Variants in RELN observed in about 807,000 individuals in gnomAD.
The protein encoded by RELN is reelin.
Under a neutral mutation model 427.6 loss-of-function variants are expected in RELN, and 108 were observed. That is an observed-to-expected ratio of 0.25 (90% CI 0.22 to 0.30). RELN has a LOEUF of 0.30. Among genes scored for constraint, RELN ranks in the 10% least tolerant of loss-of-function variants. The probability of loss-of-function intolerance (pLI) is 1.00; values close to 1 mark genes in which losing one functional copy is unlikely to be tolerated. For missense variants in RELN, 3,715 were observed against 4,302.8 expected, an observed-to-expected ratio of 0.86 and a Z score of 3.82; for synonymous variants, 1,524 against 1,513.4, an observed-to-expected ratio of 1.01 and a Z score of -0.16.
chr7:103,685,739 T>G (rs1004126357), intron 10 of RELN, among the ~76,000 whole-genome samples: 22 of 152,138 alleles, frequency 1.4e-4, no homozygotes, highest in African/African-American at 5.3e-4. Flanking sequence ...CTTATGTGTT[T>G]CTCTTTGTCA....
intron 40 of RELN, 147 bp downstream of exon 40, chr7:103,553,314 G>A: frequency 3.0e-6 from 2 of 659,406 alleles, no homozygotes; most frequent in South Asian, 3.7e-5. Context: ...CTGTTAATAA[G>A]AGAAAATTAT....
intron 2 of RELN, among the ~76,000 whole-genome samples, chr7:103,865,132 C>CAAAAAAAAAAAAAAAAAAAAAAAA (rs386410871): frequency 1.5e-5 from 1 of 67,198 alleles, no homozygotes; most frequent in Non-Finnish European, 2.7e-5. Context: ...GAAACTGTCT[C>CAAAAAAAAAAAAAAAAAAAAAAAA]AAAAAAAAAA....
intron 2 of RELN, among the ~76,000 whole-genome samples, chr7:103,840,203 T>C (rs1044677987): frequency 5.9e-5 from 9 of 152,140 alleles, no homozygotes; most frequent in Admixed American, 5.9e-4. Context: ...GACCAATACA[T>C]GGAGATAAAA....
At chr7:103,918,131 G>A (rs1274816633) in intron 1 of RELN, among the ~76,000 whole-genome samples, 1 of 152,184 alleles carries the variant, frequency 6.6e-6, no homozygotes, top group East Asian at 1.9e-4. Context: ...GGTGAACAGA[G>A]CTAAATGGTC....
At chr7:103,774,431 C>A (rs1030638244) in intron 4 of RELN, among the ~76,000 whole-genome samples, 2 of 151,936 alleles carry the variant, frequency 1.3e-5, no homozygotes, top group African/African-American at 4.8e-5. Flanking sequence ...GCAATACAGT[C>A]TTGTCATAAG....
At chr7:103,755,244 G>A (rs28451388) in intron 4 of RELN, among the ~76,000 whole-genome samples, 7,554 of 151,728 alleles carry the variant, frequency 0.05, 652 homozygotes, top group African/African-American at 0.17. Context: ...TCACGAGGGC[G>A]GATCACGAGG....
chr7:103,648,166 A>T (rs111691230), intron 16 of RELN, among the ~76,000 whole-genome samples: 2 of 152,012 alleles, frequency 1.3e-5, no homozygotes, highest in South Asian at 2.1e-4. Context: ...GTAGTCCCCA[A>T]TATTGGAGGA....
chr7:103,946,282 G>A (rs2116750546), intron 1 of RELN, among the ~76,000 whole-genome samples: 1 of 152,206 alleles, frequency 6.6e-6, no homozygotes, highest in South Asian at 2.1e-4. Context: ...TTAAAACTAT[G>A]CAAACTTAAC....
chr7:103,748,307 T>G (rs543212654), intron 6 of RELN, among the ~76,000 whole-genome samples: 1 of 152,222 alleles, frequency 6.6e-6, no homozygotes, highest in African/African-American at 2.4e-5. Context: ...TTTTTTTCTA[T>G]ATTTATACTA....
At chr7:103,873,794 C>T (rs1231447845) in intron 2 of RELN, among the ~76,000 whole-genome samples, 30 of 129,796 alleles carry the variant, frequency 2.3e-4, no homozygotes, top group African/African-American at 7.3e-4. Flanking sequence ...GGAACTGGTA[C>T]CATTCCTTCT....
intron 53 of RELN, among the ~76,000 whole-genome samples, chr7:103,499,685 G>A (rs114833778): frequency 0.015 from 2,314 of 152,240 alleles, 61 homozygotes; most frequent in African/African-American, 0.053. Context: ...AAATGAATAC[G>A]TTTTATAATT....
intron 9 of RELN, among the ~76,000 whole-genome samples, chr7:103,698,678 A>AATTTTT (rs1834029403): frequency 6.6e-6 from 1 of 151,996 alleles, no homozygotes; most frequent in African/African-American, 2.4e-5. Flanking sequence ...ATGCCCAGCT[A>AATTTTT]ATTTTTATTT....
intron 1 of RELN, among the ~76,000 whole-genome samples, chr7:103,942,109 T>C (rs1425999852): frequency 2.0e-5 from 3 of 152,218 alleles, no homozygotes; most frequent in Non-Finnish European, 4.4e-5. Flanking sequence ...AGAGATACTT[T>C]TTAAAATTAA....
intron 2 of RELN, among the ~76,000 whole-genome samples, chr7:103,912,304 T>C (rs1795386815): frequency 6.6e-6 from 1 of 151,800 alleles, no homozygotes; most frequent in East Asian, 1.9e-4. Flanking sequence ...CAAGTGATTC[T>C]CCTGCAAGTA....
intron 22 of RELN, among the ~76,000 whole-genome samples, chr7:103,605,434 GC>G (rs1402997631): frequency 6.6e-6 from 1 of 152,152 alleles, no homozygotes; most frequent in East Asian, 1.9e-4. Flanking sequence ...AAACACTTGG[GC>G]CCTTAATTCA....
intron 2 of RELN, among the ~76,000 whole-genome samples, chr7:103,862,407 T>TATTC (rs1554432449): frequency 1.7e-5 from 2 of 120,418 alleles, no homozygotes; most frequent in East Asian, 6.5e-4. Flanking sequence ...TTTATGCTTT[T>TATTC]GTTCTATCTA....
chr7:103,795,544 A>T (rs1478116533), intron 3 of RELN, among the ~76,000 whole-genome samples: 2 of 152,230 alleles, frequency 1.3e-5, no homozygotes, highest in Admixed American at 1.3e-4. Context: ...TCATCAAAAA[A>T]TTAGGTATTT....
intron 6 of RELN, among the ~76,000 whole-genome samples, chr7:103,735,550 A>C (rs1790470426): frequency 6.6e-6 from 1 of 152,110 alleles, no homozygotes; most frequent in African/African-American, 2.4e-5. Context: ...GCACAACCAG[A>C]GATTTATGAA....
chr7:103,640,509 A>T lies in RELN; in HGVS notation c.2069+34T>A. The T allele has an allele frequency of 6.2e-7, 1 of 1,603,590 alleles. No individual in the cohort carries two copies. Among genetic ancestry groups the T allele is most frequent in the Non-Finnish European group, 8.5e-7 (1 of 1,170,680 alleles). ...TCAACACATACATTACACATCAAAA[A>T]GGAGAAGCATAAGTGTTATTTTAAG... is the stretch of plus-strand genomic sequence containing the variant. On this transcript the variant is annotated intron_variant, in intron 17 of 64. Coordinates refer to ENST00000428762, the MANE Select transcript of RELN (RefSeq NM_005045.4). This position sits in a 1 kb window ranked among gnomAD's most constrained non-coding sequence, Gnocchi z 4.1.
Sources: allele counts gnomAD v4.1 joint callset (sites outside exome capture counted in the v4.1 genomes callset), GRCh38; gene constraint gnomAD v4.1.1; non-coding constraint Gnocchi (gnomAD v3.1); transcripts MANE v1.5; gene names NCBI Gene and HGNC (gene_info 2026-07-23, HGNC 2026-07-21).